ARMC2: variants seen among roughly 807,000 people sequenced by gnomAD.
The protein encoded by ARMC2 is armadillo repeat containing 2.
Under a neutral mutation model 90.3 loss-of-function variants are expected in ARMC2, and 67 were observed. That is an observed-to-expected ratio of 0.74 (90% CI 0.61 to 0.91). ARMC2 has a LOEUF of 0.91. Among genes scored for constraint, ARMC2 ranks in the 40% least tolerant of loss-of-function variants. The pLI is 0.00. For missense variants in ARMC2, 920 were observed against 1,030.9 expected, an observed-to-expected ratio of 0.89 and a Z score of 1.47; for synonymous variants, 393 against 393.0, an observed-to-expected ratio of 1.00 and a Z score of 0.00.
intron 17 of ARMC2, among the ~76,000 whole-genome samples, chr6:108,967,826 A>C (rs1297791536): frequency 6.6e-6 from 1 of 152,090 alleles, no homozygotes; most frequent in Admixed American, 6.5e-5. Flanking sequence ...TCCATAGCCT[A>C]ACTGGGCTTC....
At chr6:108,975,366 T>C (rs1293570372), downstream of ARMC2, among the ~76,000 whole-genome samples, 1 of 151,164 alleles carries the variant, frequency 6.6e-6, no homozygotes, top group African/African-American at 2.4e-5. Context: ...TAGTATTCCA[T>C]GGTATATATG....
intron 6 of ARMC2, 79 bp downstream of exon 6, chr6:108,894,622 G>A: frequency 7.8e-7 from 1 of 1,280,304 alleles, no homozygotes; most frequent in Non-Finnish European, 1.1e-6. Context: ...ATCTATGTTG[G>A]CCACTGGAAA....
rs749590850 is a variant in ARMC2, at chr6:108,910,890, T to C, written c.1024-9T>C. 1 of 1,427,478 alleles carries C rather than the reference T, an allele frequency of 7.0e-7. No individual in the cohort carries two copies. The highest frequency in any genetic ancestry group is 1.4e-5 in the South Asian group (1 of 72,486). 88.4% of individuals were successfully genotyped at this position (1,427,478 alleles called of 1,614,324 possible). A position where few individuals can be genotyped will look rare whatever the true frequency, so the allele number is the denominator to read the frequency against. On this transcript the variant is annotated splice_polypyrimidine_tract_variant and intron_variant, in intron 8 of 17. Coordinates refer to ENST00000392644, the MANE Select transcript of ARMC2 (RefSeq NM_032131.6). The stretch of plus-strand genomic sequence containing the variant: ...CTTCTGCAATAGAGATGTGTTTCTT[T>C]CTCTGCAGCTTAAAGTGAGTAGAAA...
the ARMC2 span, chr6:109,009,636 A>G: frequency 1.1e-6 from 1 of 886,788 alleles, no homozygotes; most frequent in Non-Finnish European, 1.4e-6. Context: ...CGGCCACGCA[A>G]GCCAATGCGG....
intron 12 of ARMC2, among the ~76,000 whole-genome samples, chr6:108,939,862 C>G (rs1281277406): frequency 6.6e-6 from 1 of 152,170 alleles, no homozygotes; most frequent in Non-Finnish European, 1.5e-5. Flanking sequence ...TTGCATGTTT[C>G]TCTTCCTTCT....
At chr6:109,028,302 T>C in the ARMC2 span, among the ~76,000 whole-genome samples, 1 of 152,250 alleles carries the variant, frequency 6.6e-6, no homozygotes, top group African/African-American at 2.4e-5. Flanking sequence ...ATATCTGTTG[T>C]ATCTGACTAT....
chr6:108,873,034 A>G (rs1258163786), intron 4 of ARMC2, among the ~76,000 whole-genome samples: 1 of 152,180 alleles, frequency 6.6e-6, no homozygotes, highest in Non-Finnish European at 1.5e-5. Flanking sequence ...CAATTTGGGA[A>G]ACACTAGCCT....
chr6:108,883,926 A>G lies in ARMC2; in HGVS notation c.671+7576A>G, dbSNP rs1583007176. Among the ~76,000 whole-genome samples, 3 of 152,100 alleles carry G rather than the reference A, an allele frequency of 2.0e-5. No individual in the cohort carries two copies. The South Asian group carries it at 6.2e-4, about 32-fold the overall frequency. ...TCTGGAATGATGTTGACCACATATT[A>G]TGATGTTTATTTCTGGGTGGTGGGA... On this transcript the variant is annotated intron_variant, in intron 5 of 17. Coordinates refer to ENST00000392644, the MANE Select transcript of ARMC2 (RefSeq NM_032131.6).
intron 2 of ARMC2, 30 bp downstream of exon 2, chr6:108,854,515 C>T: frequency 6.3e-7 from 1 of 1,592,952 alleles, no homozygotes; most frequent in South Asian, 1.1e-5. Context: ...CATGTTCATT[C>T]AGATATTTAA....
At chr6:108,895,058 G>A (rs182087591) in intron 6 of ARMC2, among the ~76,000 whole-genome samples, 1 of 149,676 alleles carries the variant, frequency 6.7e-6, no homozygotes, top group Non-Finnish European at 1.5e-5. Flanking sequence ...GAGCCACCAC[G>A]CCCGGCCTAG....
At chr6:109,003,674 G>GC in the ARMC2 span, among the ~76,000 whole-genome samples, 2 of 152,126 alleles carry the variant, frequency 1.3e-5, no homozygotes, top group Non-Finnish European at 2.9e-5. Context: ...ATTAGAGGAG[G>GC]CACTTAATTC....
chr6:108,962,251 G>A (rs754560554), intron 15 of ARMC2, 124 bp downstream of exon 15: 5 of 824,838 alleles, frequency 6.1e-6, no homozygotes, highest in African/African-American at 3.5e-5. Context: ...AAAGCTTCGT[G>A]TTTAAGGCTC....
chr6:109,027,249 G>A, the ARMC2 span, among the ~76,000 whole-genome samples: 1 of 151,970 alleles, frequency 6.6e-6, no homozygotes, highest in African/African-American at 2.4e-5. Flanking sequence ...GAGGTGGGCA[G>A]ATTGCCTGAG....
the ARMC2 span, among the ~76,000 whole-genome samples, chr6:109,019,521 G>A: frequency 6.6e-6 from 1 of 152,082 alleles, no homozygotes; most frequent in Non-Finnish European, 1.5e-5. Context: ...GCCTGTCCTG[G>A]GTCTAGTCTA....
At chr6:108,968,451 C>T (rs547391542) in intron 17 of ARMC2, among the ~76,000 whole-genome samples, 1 of 152,332 alleles carries the variant, frequency 6.6e-6, no homozygotes, top group East Asian at 1.9e-4. Flanking sequence ...GAAGCCAAGC[C>T]ACTGCAATGC....
intron 11 of ARMC2, among the ~76,000 whole-genome samples, chr6:108,931,588 A>AT (rs1181908268): frequency 1.3e-5 from 2 of 151,768 alleles, no homozygotes; most frequent in African/African-American, 4.9e-5. Context: ...AGCATCTGTT[A>AT]TTTTTTGACT....
At chr6:108,882,684 G>A (rs998408619) in intron 5 of ARMC2, among the ~76,000 whole-genome samples, 2 of 152,126 alleles carry the variant, frequency 1.3e-5, no homozygotes, top group South Asian at 4.1e-4. Context: ...ATAAAGCTAT[G>A]AAAATGATTA....
chr6:109,038,889 G>C, the ARMC2 span, among the ~76,000 whole-genome samples: 2 of 148,358 alleles, frequency 1.3e-5, no homozygotes, highest in African/African-American at 5.0e-5. Context: ...AAGAGGAAAA[G>C]AAGAAGGAAG....
intron 17 of ARMC2, among the ~76,000 whole-genome samples, chr6:108,968,390 G>A (rs576460508): frequency 1.4e-4 from 21 of 152,308 alleles, no homozygotes; most frequent in African/African-American, 3.1e-4. Flanking sequence ...ACTGCACCTT[G>A]TGCAGGGGGA....
Sources: allele counts gnomAD v4.1 joint callset (sites outside exome capture counted in the v4.1 genomes callset), GRCh38; gene constraint gnomAD v4.1.1; transcripts MANE v1.5; gene names NCBI Gene and HGNC (gene_info 2026-07-23, HGNC 2026-07-21).